The following SAMHD1 variants were observed in gnomAD, a reference collection of about 807,000 sequenced individuals.
The protein encoded by SAMHD1 is deoxynucleoside triphosphate triphosphohydrolase SAMHD1.
A neutral mutation model predicts 79.6 loss-of-function variants in SAMHD1; 54 were observed. That is an observed-to-expected ratio of 0.68 (90% confidence interval 0.55 to 0.85). The LOEUF (loss-of-function observed/expected upper bound fraction) is 0.85, where lower values mean the gene tolerates loss of function less well. Ranked by LOEUF, SAMHD1 falls within the 40% of genes least tolerant of loss-of-function variation. The probability of loss-of-function intolerance (pLI) is 0.00; values close to 1 mark genes in which losing one functional copy is unlikely to be tolerated. For missense variants in SAMHD1, 663 were observed against 782.7 expected (o/e 0.85, Z 1.82); for synonymous variants, 260 against 264.1 (o/e 0.98, Z 0.15).
intron 13 of SAMHD1, 109 bp from the exon 14 acceptor site, chr20:36,898,653 C>T: frequency 1.2e-6 from 1 of 830,394 alleles, no homozygotes; most frequent in Non-Finnish European, 2.0e-6. Flanking sequence ...GTAGCTCATG[C>T]CTATAATCCC....
chr20:36,935,289 G>T, intron 3 of SAMHD1, 100 bp from the exon 4 acceptor site: 1 of 949,582 alleles, frequency 1.1e-6, no homozygotes, highest in Non-Finnish European at 1.7e-6. Flanking sequence ...AAAGCTATTT[G>T]ATTTTTCAAG....
chr20:36,932,790 G>A (rs1165628545), intron 4 of SAMHD1, among the ~76,000 whole-genome samples: 1 of 151,758 alleles, frequency 6.6e-6, no homozygotes, highest in Non-Finnish European at 1.5e-5. Flanking sequence ...TGGCAAGTTT[G>A]GTTTTGTAAG....
In SAMHD1 at chr20:36,897,912, T is replaced by A; in HGVS notation, c.1656A>T (p.Val552=). The A allele has an allele frequency of 6.2e-7, 1 of 1,614,230 alleles. No homozygotes were observed. The highest frequency in any genetic ancestry group is 1.1e-5 in the South Asian group (1 of 91,080). Residue 552 remains valine (V), a synonymous_variant, in exon 15 of 16, where the codon GTA becomes GTT. Transcript: ENST00000646673. ...TCTTTCTGTCCACCTTCTTACAATA[T>A]ACTCGAATCAGCTGCTCTGCAAATT... ...PEKFAEQLIR[V]YCKKVDRKSL...
At chr20:36,916,230 T>G (rs774062129) in intron 9 of SAMHD1, among the ~76,000 whole-genome samples, 9 of 152,158 alleles carry the variant, frequency 5.9e-5, no homozygotes, top group Non-Finnish European at 1.2e-4. Context: ...CACTTGTTAA[T>G]TATATGCCTT....
intron 3 of SAMHD1, among the ~76,000 whole-genome samples, chr20:36,936,818 G>A (rs1003280899): frequency 1.3e-5 from 2 of 151,818 alleles, no homozygotes; most frequent in Non-Finnish European, 2.9e-5. Context: ...ACTATACCAC[G>A]CCTGGCTAAT....
chr20:36,910,250 T>C (rs1375108873), intron 11 of SAMHD1, among the ~76,000 whole-genome samples: 4 of 145,676 alleles, frequency 2.7e-5, no homozygotes, highest in African/African-American at 1.0e-4. Context: ...TTCCCAGGTG[T>C]GGTGGCACAT....
chr20:36,909,182 G>A (rs1224439803), intron 11 of SAMHD1, among the ~76,000 whole-genome samples: 2 of 151,840 alleles, frequency 1.3e-5, no homozygotes, highest in Admixed American at 1.3e-4. Context: ...GGATGGTCTC[G>A]AACTCCTGAC....
At chr20:36,893,096 T>TA in intron 15 of SAMHD1, 30 bp from the exon 16 acceptor site, 1 of 1,609,766 alleles carries the variant, frequency 6.2e-7, no homozygotes, top group Non-Finnish European at 8.5e-7. Flanking sequence ...AAACAGGCAA[T>TA]AGAGAAAAGC....
rs1052914685 is a variant in SAMHD1 at position 36,946,455 on chromosome 20, T to C, written c.275+283A>G. Reference sequence around the variant, plus strand: ...AAAAAAAATTAGTGGGGCATGGTGGTGGGCACCTGTAATCCTAGCTACTCA... The same window carrying C: ...AAAAAAAATTAGTGGGGCATGGTGGCGGGCACCTGTAATCCTAGCTACTCA... On this transcript the variant is annotated intron_variant, in intron 2 of 15. Coordinates refer to ENST00000646673, the MANE Select transcript of SAMHD1 (RefSeq NM_015474.4). 4.4e-5 allele frequency: 14 copies of C among 317,862 alleles called. No individual in the cohort carries two copies. In the East Asian group the frequency reaches 9.0e-4, roughly 20 times the overall value. 19.7% of individuals were successfully genotyped at this position (317,862 alleles called of 1,614,324 possible).
chr20:36,892,906 G>A lies in SAMHD1; in HGVS notation c.*26C>T, dbSNP rs1417613498. On this transcript the variant is annotated 3_prime_UTR_variant, in exon 16 of 16. Transcript: ENST00000646673. Reference sequence around the variant, plus strand: ...CTAAATGAATTGTGCAGGAGAGGGAGTTTGTAAACAACTGACTACAGACAT... The same window carrying A: ...CTAAATGAATTGTGCAGGAGAGGGAATTTGTAAACAACTGACTACAGACAT... 6.2e-7 allele frequency: 1 copy of A among 1,613,736 alleles called. No homozygotes were observed. Among genetic ancestry groups the A allele is most frequent in the Non-Finnish European group, 8.5e-7 (1 of 1,179,768 alleles).
intron 7 of SAMHD1, among the ~76,000 whole-genome samples, chr20:36,917,507 T>C (rs1380531876): frequency 6.6e-6 from 1 of 152,040 alleles, no homozygotes; most frequent in Non-Finnish European, 1.5e-5. Flanking sequence ...CAAAATTAGT[T>C]GGGCATGGTA....
intron 9 of SAMHD1, 124 bp from the exon 10 acceptor site, chr20:36,912,676 C>A: frequency 1.5e-6 from 1 of 651,352 alleles, no homozygotes; most frequent in Non-Finnish European, 2.8e-6. Flanking sequence ...ACCGGGGCTT[C>A]TTCATTAACA....
chr20:36,935,894 A>G (rs1377633558), intron 3 of SAMHD1, among the ~76,000 whole-genome samples: 1 of 151,620 alleles, frequency 6.6e-6, no homozygotes, highest in African/African-American at 2.4e-5. Flanking sequence ...TTCTAAATGT[A>G]TCTATACAGC....
intron 3 of SAMHD1, among the ~76,000 whole-genome samples, chr20:36,939,937 G>A (rs1014891094): frequency 1.5e-4 from 23 of 152,176 alleles, no homozygotes; most frequent in African/African-American, 5.5e-4. Flanking sequence ...GGGCGCAGTG[G>A]CTCATGCCTG....
intron 8 of SAMHD1, 25 bp downstream of exon 8, chr20:36,916,924 C>G: frequency 3.1e-6 from 5 of 1,592,218 alleles, no homozygotes; most frequent in Non-Finnish European, 4.3e-6. Context: ...TTTTAGCCAA[C>G]TTTTCAGAAG....
rs1242050034 is a variant in SAMHD1 at position 36,890,622 on chromosome 20, G to GCCCGGCTAATTTCA, written c.*2296_*2309dup. The GCCCGGCTAATTTCA allele has an allele frequency of 6.6e-6, 1 of 151,748 alleles. No individual in the cohort carries two copies. Among genetic ancestry groups the GCCCGGCTAATTTCA allele is most frequent in the Non-Finnish European group, 1.5e-5 (1 of 67,964 alleles). 9.4% of individuals were successfully genotyped at this position (151,748 alleles called of 1,614,324 possible). ...TGGGATTACAAGCACACACCACCAC[G>GCCCGGCTAATTTCA]CCCGGCTAATTTCACCCGGCTAATT... On this transcript the variant is annotated 3_prime_UTR_variant, in exon 16 of 16. Coordinates refer to ENST00000646673, the MANE Select transcript of SAMHD1 (RefSeq NM_015474.4).
At chr20:36,904,309 A>G in intron 12 of SAMHD1, 60 bp from the exon 13 acceptor site, 2 of 1,164,800 alleles carry the variant, frequency 1.7e-6, no homozygotes, top group East Asian at 4.7e-5. Flanking sequence ...TTGAGCCACA[A>G]ACAGGTTCTC....
chr20:36,899,594 C>T (rs73109290), intron 13 of SAMHD1, among the ~76,000 whole-genome samples: 1,981 of 152,174 alleles, frequency 0.013, 12 homozygotes, highest in Non-Finnish European at 0.021. Flanking sequence ...GGAGAATGAC[C>T]GGAAACATTT....
rs2063565840 is a variant in SAMHD1, at chr20:36,931,166, C to T, written c.510-291G>A. Reference sequence around the variant, plus strand: ...TTAAAAAAAGAAAACCAGAAAATAACAAGTGTTGGACATGATGTGAAGAAG... The same window carrying T: ...TTAAAAAAAGAAAACCAGAAAATAATAAGTGTTGGACATGATGTGAAGAAG... On this transcript the variant is annotated intron_variant, in intron 4 of 15. Coordinates refer to ENST00000646673, the MANE Select transcript of SAMHD1 (RefSeq NM_015474.4). 2.4e-5 allele frequency: 10 copies of T among 409,408 alleles called. No individual in the cohort carries two copies. In the Admixed American group the frequency reaches 3.6e-4, roughly 15 times the overall value. 25.4% of individuals were successfully genotyped at this position (409,408 alleles called of 1,614,324 possible).
Sources: gnomAD v4.1 joint callset for allele counts (sites outside exome capture counted in the v4.1 genomes callset) on GRCh38, gnomAD v4.1.1 for gene constraint, MANE v1.5 for transcripts, NCBI Gene and HGNC (gene_info 2026-07-23, HGNC 2026-07-21) for gene names.